TBXAS1: variants seen among roughly 807,000 people sequenced by gnomAD.
The protein encoded by TBXAS1 is thromboxane-A synthase.
TBXAS1 carries 48 observed loss-of-function variants against 60.7 expected under a neutral mutation model. That is an observed-to-expected ratio of 0.79 (90% CI 0.63 to 1.01). The LOEUF (loss-of-function observed/expected upper bound fraction) is 1.01, where lower values mean the gene tolerates loss of function less well. TBXAS1 is among the 50% of genes least tolerant of loss of function. The pLI is 0.00. For missense variants in TBXAS1, 685 were observed against 686.3 expected (o/e 1.00, Z 0.02); for synonymous variants, 287 against 269.7 (o/e 1.06, Z -0.63).
At chr7:139,808,900 C>A (rs987117699) in intron 4 of TBXAS1, among the ~76,000 whole-genome samples, 2 of 149,744 alleles carry the variant, frequency 1.3e-5, no homozygotes, top group Non-Finnish European at 3.0e-5. Flanking sequence ...TAGCACTATT[C>A]TTTTCTCATC....
intron 4 of TBXAS1, among the ~76,000 whole-genome samples, chr7:139,813,123 T>TA (rs1372461345): frequency 9.0e-6 from 1 of 111,142 alleles, no homozygotes; most frequent in Non-Finnish European, 2.0e-5. Flanking sequence ...TAAAATAAAA[T>TA]AAAATAGTGC....
intron 4 of TBXAS1, among the ~76,000 whole-genome samples, chr7:139,798,998 C>T (rs1797643175): frequency 6.6e-6 from 1 of 152,026 alleles, no homozygotes; most frequent in Non-Finnish European, 1.5e-5. Flanking sequence ...GCCTCCTTCT[C>T]CACCTGCCGT....
Position 140,007,077 on chromosome 7 carries a change from G to T in TBXAS1, c.1135-14G>T. 6.2e-7 allele frequency: 1 copy of T among 1,612,722 alleles called. No individual in the cohort carries two copies. The highest frequency in any genetic ancestry group is 8.5e-7 in the Non-Finnish European group (1 of 1,178,768). On this transcript the variant is annotated splice_polypyrimidine_tract_variant and intron_variant, in intron 9 of 12. Transcript: ENST00000448866. ...TAACACGAACTTCTCCCTTTGTCAC[G>T]ACCCCTCCATCAGATGGCCCCTGAG...
intron 5 of TBXAS1, among the ~76,000 whole-genome samples, chr7:139,948,681 T>C (rs1250646684): frequency 6.6e-6 from 1 of 152,222 alleles, no homozygotes; most frequent in Non-Finnish European, 1.5e-5. Context: ...TGAGTGAGAA[T>C]AGCATTGTGT....
chr7:139,854,464 T>G (rs1800444504), intron 1 of TBXAS1, among the ~76,000 whole-genome samples: 1 of 152,098 alleles, frequency 6.6e-6, no homozygotes, highest in Non-Finnish European at 1.5e-5. Context: ...ATGATGAGAT[T>G]TGCATATGAG....
At chr7:139,995,946 C>T (rs941845220) in intron 9 of TBXAS1, among the ~76,000 whole-genome samples, 1 of 152,190 alleles carries the variant, frequency 6.6e-6, no homozygotes, top group Non-Finnish European at 1.5e-5. Context: ...TGCGACCCCA[C>T]TGACTTGGTT....
chr7:139,940,735 A>G (rs1039082508), intron 5 of TBXAS1, among the ~76,000 whole-genome samples: 1 of 152,208 alleles, frequency 6.6e-6, no homozygotes, highest in Non-Finnish European at 1.5e-5. Context: ...TCAGGAGGAC[A>G]AAGTCTTTTT....
chr7:139,887,041 A>G (rs1038390951), intron 3 of TBXAS1, among the ~76,000 whole-genome samples: 1 of 152,070 alleles, frequency 6.6e-6, no homozygotes, highest in Admixed American at 6.5e-5. Flanking sequence ...ATACCTGTTC[A>G]TGAGTACCAG....
intron 8 of TBXAS1, among the ~76,000 whole-genome samples, chr7:139,961,532 T>C (rs553093061): frequency 6.6e-6 from 1 of 152,228 alleles, no homozygotes; most frequent in Non-Finnish European, 1.5e-5. Flanking sequence ...TAGACAGATA[T>C]AGGTGATGAT....
At chr7:139,902,700 T>C (rs59104265) in intron 3 of TBXAS1, among the ~76,000 whole-genome samples, 45,231 of 151,910 alleles carry the variant, frequency 0.3, 7,254 homozygotes, top group South Asian at 0.46. Context: ...AGCGGCTTTA[T>C]GGTTTTACCT....
chr7:139,825,647 G>A (rs768158266), upstream of TBXAS1, among the ~76,000 whole-genome samples: 6 of 152,202 alleles, frequency 3.9e-5, no homozygotes, highest in African/African-American at 1.2e-4. Context: ...GATGTGAGGG[G>A]CACGTTCTAA....
At chr7:139,932,353 C>T (rs561128228) in intron 4 of TBXAS1, among the ~76,000 whole-genome samples, 2 of 152,200 alleles carry the variant, frequency 1.3e-5, no homozygotes, top group South Asian at 4.1e-4. Context: ...TCTGCATGCT[C>T]AAGCCTTGGG....
At chr7:139,902,146 G>C (rs953174858) in intron 3 of TBXAS1, among the ~76,000 whole-genome samples, 5 of 151,782 alleles carry the variant, frequency 3.3e-5, no homozygotes, top group African/African-American at 1.2e-4. Flanking sequence ...GTGTGTGTGT[G>C]TGTGTAGTTC....
chr7:139,955,607 T>C lies in TBXAS1; in HGVS notation c.688T>C (p.Leu230=). The change falls in exon 7 of 13, where the codon TTA becomes CTA. Residue 230 remains leucine (L), a splice_region_variant and synonymous_variant. Transcript: ENST00000448866. ...CCCCAGACCTATCCTGGTTTTACTC[T>C]GTAAGTGCGGCTGCAGCCCGGGGCG... ...CIPRPILVLL[L]SFPSIMVPLA... is the part of the protein sequence containing the mutation. 2 of 1,614,090 alleles carry C rather than the reference T, an allele frequency of 1.2e-6. No homozygotes were observed. The highest frequency in any genetic ancestry group is 1.1e-5 in the South Asian group (1 of 91,088).
intron 3 of TBXAS1, among the ~76,000 whole-genome samples, chr7:139,905,888 T>C (rs1584818716): frequency 6.6e-6 from 1 of 152,206 alleles, no homozygotes; most frequent in Admixed American, 6.5e-5. Context: ...TTATGGATTA[T>C]GTTTTAGTGT....
At chr7:139,969,019 G>A (rs981631418) in intron 9 of TBXAS1, among the ~76,000 whole-genome samples, 2 of 152,192 alleles carry the variant, frequency 1.3e-5, no homozygotes, top group Non-Finnish European at 2.9e-5. Context: ...AGTGTTCTAT[G>A]TTGAAATTAT....
chr7:139,879,228 A>C (rs1802496487), intron 3 of TBXAS1, among the ~76,000 whole-genome samples: 1 of 152,184 alleles, frequency 6.6e-6, no homozygotes, highest in Non-Finnish European at 1.5e-5. Flanking sequence ...ATCGAGAACA[A>C]AATATCTTCA....
intron 4 of TBXAS1, among the ~76,000 whole-genome samples, chr7:139,817,386 G>C (rs1306493956): frequency 6.6e-6 from 1 of 152,154 alleles, no homozygotes; most frequent in Non-Finnish European, 1.5e-5. Context: ...TGTGGGCAAA[G>C]TCCATGATCC....
intron 4 of TBXAS1, among the ~76,000 whole-genome samples, chr7:139,794,648 A>G (rs867446914): frequency 2.9e-4 from 41 of 139,788 alleles, no homozygotes; most frequent in East Asian, 1.3e-3. Flanking sequence ...ATGTCTCCCA[A>G]TGCTATCCCT....
Sources: gnomAD v4.1 joint callset for allele counts (sites outside exome capture counted in the v4.1 genomes callset) on GRCh38, gnomAD v4.1.1 for gene constraint, MANE v1.5 for transcripts, NCBI Gene and HGNC (gene_info 2026-07-23, HGNC 2026-07-21) for gene names.